The following CCDC158 variants were observed in gnomAD, a reference collection of about 807,000 sequenced individuals.
CCDC158 encodes coiled-coil domain-containing protein 158.
CCDC158 carries 116 observed loss-of-function variants against 138.6 expected under a neutral mutation model. That is an observed-to-expected ratio of 0.84 (90% CI 0.72 to 0.98). The LOEUF is 0.98. CCDC158 is among the 50% of genes least tolerant of loss of function. The pLI, the probability that CCDC158 is intolerant of heterozygous loss-of-function variation, is 0.00. For missense variants in CCDC158, 1,265 were observed against 1,306.1 expected, an observed-to-expected ratio of 0.97 and a Z score of 0.48; for synonymous variants, 436 against 442.4, an observed-to-expected ratio of 0.99 and a Z score of 0.18.
At chr4:76,371,939 CAAA>C (rs539607968) in intron 9 of CCDC158, among the ~76,000 whole-genome samples, 1 of 65,450 alleles carries the variant, frequency 1.5e-5, no homozygotes. Context: ...ACTACATCTC[CAAA>C]AAAAAAAAAA....
At position 76,382,682 on chromosome 4, in the gene CCDC158, G is replaced by T. The variant is rs746185302; in HGVS notation, c.842C>A (p.Thr281Lys). The T allele has an allele frequency of 2.5e-6, 4 of 1,613,288 alleles. No individual in the cohort carries two copies. Among genetic ancestry groups the T allele is most frequent in the Non-Finnish European group, 3.4e-6 (4 of 1,179,504 alleles). The change falls in exon 8 of 25, where the codon ACA becomes AAA. Residue 281 changes from threonine to lysine, a missense_variant. By Grantham distance (78) the Thr-to-Lys change is moderately conservative. Coordinates refer to ENST00000682701, the MANE Select transcript of CCDC158 (RefSeq NM_001394954.1). Reference protein sequence around the residue: ...QLISEHEVEITGLTEKASSAR... With the variant: ...QLISEHEVEIKGLTEKASSAR... Reference sequence around the variant, plus strand: ...ACTGCTAGCTTTCTCAGTAAGTCCTGTTATTTCAACTTCATGTTCACTTAT... The same window carrying T: ...ACTGCTAGCTTTCTCAGTAAGTCCTTTTATTTCAACTTCATGTTCACTTAT...
chr4:76,363,885 G>A (rs1473337219), intron 12 of CCDC158, among the ~76,000 whole-genome samples: 1 of 152,116 alleles, frequency 6.6e-6, no homozygotes, highest in Non-Finnish European at 1.5e-5. Flanking sequence ...GTGGGGGTAG[G>A]GGGAGAAGCA....
At chr4:76,411,991 T>C (rs1476910527) in intron 2 of CCDC158, 99 bp downstream of exon 2, 3 of 152,160 alleles carry the variant, frequency 2.0e-5, no homozygotes, top group African/African-American at 7.2e-5. Context: ...AGGCTTCAGG[T>C]TTTCTAAAAT....
chr4:76,396,518 T>C, intron 3 of CCDC158, 32 bp from the exon 4 acceptor site: 2 of 1,550,532 alleles, frequency 1.3e-6, no homozygotes, highest in Non-Finnish European at 8.8e-7. Context: ...AATTAACTTT[T>C]CGTTTTTTTT....
chr4:76,369,521 G>A lies in CCDC158; in HGVS notation c.1252C>T (p.Arg418Trp), dbSNP rs559688256. The A allele has an allele frequency of 1.9e-6, 3 of 1,614,104 alleles. No individual in the cohort carries two copies. Among genetic ancestry groups the A allele is most frequent in the East Asian group, 2.2e-5 (1 of 44,870 alleles). Residue 418 changes from arginine to tryptophan, a missense_variant, in exon 11 of 25, where the codon CGG becomes TGG. Transcript: ENST00000682701. ...TGNSITIDHL[R>W]RELDNRNMEV... ...ATGTTCCGGTTGTCCAGTTCCCGCC[G>A]CAGGTGGTCAATGGTGATGCTGTTG...
chr4:76,364,745 G>A lies in CCDC158; in HGVS notation c.1831-2430C>T, dbSNP rs117118058. ...CATCAGATTGTTTCCCCAAATTATC[G>A]CCCTACTGGCCTTAGTATCCTGGCA... On this transcript the variant is annotated intron_variant, in intron 12 of 24. Coordinates refer to ENST00000682701, the MANE Select transcript of CCDC158 (RefSeq NM_001394954.1). Among the ~76,000 whole-genome samples the A allele has an allele frequency of 7.0e-3, 1,065 of 152,202 alleles. 13 individuals are homozygous for A. Among genetic ancestry groups the A allele is most frequent in the Middle Eastern group, 0.041 (12 of 294 alleles).
intron 1 of CCDC158, among the ~76,000 whole-genome samples, chr4:76,419,785 A>T (rs1303347212): frequency 2.0e-5 from 3 of 151,196 alleles, no homozygotes; most frequent in Non-Finnish European, 4.4e-5. Flanking sequence ...TTTCCCTTAT[A>T]AGGTAACATT....
intron 8 of CCDC158, among the ~76,000 whole-genome samples, chr4:76,380,239 A>AAGG (rs1560450179): frequency 6.6e-6 from 1 of 151,834 alleles, no homozygotes; most frequent in Non-Finnish European, 1.5e-5. Flanking sequence ...GAGGGATCAG[A>AAGG]AGACAGAAAG....
chr4:76,409,171 C>G (rs537123911), intron 2 of CCDC158, among the ~76,000 whole-genome samples: 112 of 152,216 alleles, frequency 7.4e-4, no homozygotes, highest in African/African-American at 2.6e-3. Flanking sequence ...TTCATTTTCA[C>G]TATTTTAGAC....
chr4:76,326,087 T>C, intron 22 of CCDC158, 72 bp from the exon 23 acceptor site: 1 of 1,227,778 alleles, frequency 8.1e-7, no homozygotes. Flanking sequence ...TCTCAAAAAG[T>C]CAAGCTTTCA....
intron 24 of CCDC158, among the ~76,000 whole-genome samples, chr4:76,318,119 C>A (rs1307976589): frequency 6.6e-6 from 1 of 152,004 alleles, no homozygotes; most frequent in African/African-American, 2.4e-5. Context: ...CAAGAACAAA[C>A]TAAACCCAAA....
At chr4:76,327,899 C>G (rs1030811108) in intron 22 of CCDC158, among the ~76,000 whole-genome samples, 1 of 152,184 alleles carries the variant, frequency 6.6e-6, no homozygotes, top group Non-Finnish European at 1.5e-5. Context: ...AGACCAATTA[C>G]GTGTCTGTTG....
intron 9 of CCDC158, chr4:76,375,491 T>C: frequency 1.5e-6 from 1 of 688,032 alleles, no homozygotes; most frequent in Non-Finnish European, 2.6e-6. Flanking sequence ...TCCTGCACAG[T>C]ATATAGCTCC....
intron 17 of CCDC158, among the ~76,000 whole-genome samples, chr4:76,351,462 C>T (rs1405732977): frequency 1.3e-5 from 2 of 152,086 alleles, no homozygotes; most frequent in African/African-American, 4.8e-5. Flanking sequence ...TTCACTAGTA[C>T]CTTCACTCAC....
chr4:76,417,750 G>A (rs549587196), intron 1 of CCDC158, among the ~76,000 whole-genome samples: 1 of 152,138 alleles, frequency 6.6e-6, no homozygotes, highest in African/African-American at 2.4e-5. Context: ...GTGAGGGAAG[G>A]CCTTCCTAAG....
chr4:76,382,598 C>G lies in CCDC158; in HGVS notation c.914+12G>C. 6.6e-7 allele frequency: 1 copy of G among 1,523,822 alleles called. No individual in the cohort carries two copies. The allele number at this position is 1,523,822 out of a possible 1,614,324, so 94.4% of individuals were successfully genotyped here. Reference sequence around the variant, plus strand: ...AATGAAGATGAATGACTAACAGTTTCAAACCACATACTGAATGATTTCCAT... The same window carrying G: ...AATGAAGATGAATGACTAACAGTTTGAAACCACATACTGAATGATTTCCAT... On this transcript the variant is annotated intron_variant, in intron 8 of 24. Coordinates refer to ENST00000682701, the MANE Select transcript of CCDC158 (RefSeq NM_001394954.1).
chr4:76,337,911 C>T (rs1476215566), intron 18 of CCDC158, among the ~76,000 whole-genome samples: 3 of 152,176 alleles, frequency 2.0e-5, no homozygotes, highest in African/African-American at 7.2e-5. Context: ...GGTCCCCAAA[C>T]CCTGGACCGG....
intron 15 of CCDC158, among the ~76,000 whole-genome samples, chr4:76,353,862 C>T (rs114612307): frequency 0.013 from 2,037 of 152,078 alleles, 20 homozygotes; most frequent in South Asian, 0.044. Flanking sequence ...TCCAAAAAAG[C>T]GCCATGGAAT....
chr4:76,373,517 G>A (rs1319862278), intron 9 of CCDC158, among the ~76,000 whole-genome samples: 4 of 152,058 alleles, frequency 2.6e-5, no homozygotes, highest in Non-Finnish European at 5.9e-5. Flanking sequence ...ATATGACTAA[G>A]ACTAACTTTT....
Sources: gnomAD v4.1 joint callset for allele counts (sites outside exome capture counted in the v4.1 genomes callset) on GRCh38, gnomAD v4.1.1 for gene constraint, MANE v1.5 for transcripts, NCBI Gene and HGNC (gene_info 2026-07-23, HGNC 2026-07-21) for gene names.